Variants in MEIKIN observed in about 807,000 individuals in gnomAD.
MEIKIN encodes meiotic kinetochore factor, also known as meiosis-specific kinetochore protein.
At chr5:131,943,655 T>C (rs770636904) in intron 3 of MEIKIN, among the ~76,000 whole-genome samples, 20 of 151,954 alleles carry the variant, frequency 1.3e-4, no homozygotes, top group Non-Finnish European at 2.5e-4. Context: ...GGAACAGAAA[T>C]ATATAAAAAT....
rs976470736 is a variant in MEIKIN at position 131,905,067 on chromosome 5, C to T, written c.703+6748G>A. ...GGTTGATGGGTGCAGCAAACCACCA[C>T]GTGTATACCTATGTAACAAACCTGC... is the stretch of plus-strand genomic sequence containing the variant. On this transcript the variant is annotated intron_variant, in intron 8 of 12. Transcript: ENST00000442687. Among the ~76,000 whole-genome samples the T allele has an allele frequency of 2.1e-4, 32 of 152,100 alleles. 1 individual carries two copies. In the South Asian group the frequency reaches 2.3e-3, roughly 11 times the overall value.
At chr5:131,820,453 C>T (rs1257176426) in intron 11 of MEIKIN, among the ~76,000 whole-genome samples, 1 of 152,146 alleles carries the variant, frequency 6.6e-6, no homozygotes, top group African/African-American at 2.4e-5. Flanking sequence ...ATTTTTCCAT[C>T]AATATTCATC....
intron 8 of MEIKIN, among the ~76,000 whole-genome samples, chr5:131,901,455 G>T (rs1017774285): frequency 1.3e-5 from 2 of 152,028 alleles, no homozygotes; most frequent in Non-Finnish European, 2.9e-5. Flanking sequence ...ATACCTGCAT[G>T]GACACTGGTA....
At chr5:131,889,367 T>C (rs1398174840) in intron 8 of MEIKIN, among the ~76,000 whole-genome samples, 2 of 152,320 alleles carry the variant, frequency 1.3e-5, no homozygotes, top group African/African-American at 2.4e-5. Flanking sequence ...TCCATTTGTT[T>C]GTATCCTCGT....
rs146180178 is a variant in MEIKIN, at chr5:131,883,112, G to A, written c.704-4064C>T. Among the ~76,000 whole-genome samples, 566 of 152,086 alleles carry A rather than the reference G, an allele frequency of 3.7e-3. 4 individuals are homozygous for A. Among genetic ancestry groups the A allele is most frequent in the African/African-American group, 0.013 (532 of 41,478 alleles). ...GGGCAAGGATACTGTCATGTTTCCC[G>A]GTAACTAAAACAGTTTATGCCATAC... On this transcript the variant is annotated intron_variant, in intron 8 of 12. Transcript: ENST00000442687.
At chr5:131,860,450 TTTG>T in intron 9 of MEIKIN, among the ~76,000 whole-genome samples, 1 of 151,622 alleles carries the variant, frequency 6.6e-6, no homozygotes, top group African/African-American at 2.4e-5. Context: ...GTTTTTTTTG[TTTG>T]TTTGTTTTTT....
At chr5:131,913,436 A>G (rs1331799371) in intron 7 of MEIKIN, among the ~76,000 whole-genome samples, 1 of 152,212 alleles carries the variant, frequency 6.6e-6, no homozygotes, top group Non-Finnish European at 1.5e-5. Flanking sequence ...CCTTCCGGGT[A>G]TGAGTCAGAA....
intron 7 of MEIKIN, among the ~76,000 whole-genome samples, chr5:131,916,024 T>C (rs1400004179): frequency 6.6e-6 from 1 of 152,208 alleles, no homozygotes; most frequent in Admixed American, 6.5e-5. Flanking sequence ...CTCCATTAGC[T>C]ACTAAGTCAA....
At chr5:131,862,676 T>C (rs1244358423) in intron 9 of MEIKIN, among the ~76,000 whole-genome samples, 1 of 152,204 alleles carries the variant, frequency 6.6e-6, no homozygotes, top group Non-Finnish European at 1.5e-5. Flanking sequence ...TGGTGTTTCG[T>C]ATTTCAATTT....
chr5:131,925,904 G>A (rs1751579530), intron 5 of MEIKIN, among the ~76,000 whole-genome samples: 1 of 152,132 alleles, frequency 6.6e-6, no homozygotes, highest in African/African-American at 2.4e-5. Context: ...CTGATCTCAT[G>A]TGATCTGCCC....
intron 5 of MEIKIN, among the ~76,000 whole-genome samples, chr5:131,922,685 A>C (rs630044): frequency 0.42 from 64,467 of 151,908 alleles, 18,118 homozygotes; most frequent in African/African-American, 0.81. Context: ...TAAGGCTATT[A>C]CCTGTATATT....
intron 11 of MEIKIN, among the ~76,000 whole-genome samples, chr5:131,819,799 G>A (rs1253141972): frequency 1.0e-5 from 1 of 99,842 alleles, no homozygotes. Flanking sequence ...TTTTTGAGAC[G>A]GAGTCTCGCT....
intron 8 of MEIKIN, among the ~76,000 whole-genome samples, chr5:131,899,500 C>T (rs1751117236): frequency 1.3e-5 from 2 of 148,888 alleles, no homozygotes; most frequent in Admixed American, 6.7e-5. Flanking sequence ...TGTAAATGGG[C>T]TACACTGTCC....
At chr5:131,898,686 T>C (rs1285593894) in intron 8 of MEIKIN, among the ~76,000 whole-genome samples, 1 of 152,210 alleles carries the variant, frequency 6.6e-6, no homozygotes, top group Non-Finnish European at 1.5e-5. Flanking sequence ...CTCAGGATGC[T>C]GCGCTAGCAG....
At chr5:131,941,561 T>A (rs1170404737) in intron 4 of MEIKIN, among the ~76,000 whole-genome samples, 3 of 152,196 alleles carry the variant, frequency 2.0e-5, no homozygotes, top group Admixed American at 6.5e-5. Flanking sequence ...GCTGTTGATA[T>A]GTTCATCAAT....
chr5:131,810,760 C>G (rs899124938), intron 12 of MEIKIN, among the ~76,000 whole-genome samples: 2 of 152,210 alleles, frequency 1.3e-5, no homozygotes, highest in East Asian at 3.8e-4. Context: ...GACTTACCCA[C>G]ACCACCTCCT....
At chr5:131,900,965 T>C (rs1751146570) in intron 8 of MEIKIN, among the ~76,000 whole-genome samples, 1 of 152,140 alleles carries the variant, frequency 6.6e-6, no homozygotes, top group South Asian at 2.1e-4. Flanking sequence ...TGCTTGCACA[T>C]GTATGCATGG....
intron 8 of MEIKIN, among the ~76,000 whole-genome samples, chr5:131,888,846 C>A (rs1317903971): frequency 1.3e-5 from 2 of 152,126 alleles, no homozygotes; most frequent in Admixed American, 6.6e-5. Context: ...GGCTTTAGGT[C>A]TAACATGTAA....
intron 8 of MEIKIN, among the ~76,000 whole-genome samples, chr5:131,886,095 T>A (rs1309544225): frequency 1.3e-5 from 2 of 152,068 alleles, no homozygotes; most frequent in Non-Finnish European, 2.9e-5. Context: ...TGAAGACAGG[T>A]TATTTAAAAA....
Sources: allele counts gnomAD v4.1 joint callset (sites outside exome capture counted in the v4.1 genomes callset), GRCh38; gene constraint gnomAD v4.1.1; transcripts MANE v1.5; gene names NCBI Gene and HGNC (gene_info 2026-07-23, HGNC 2026-07-21).